Variants in XYLB observed in about 807,000 individuals in gnomAD.
XYLB encodes the protein xylulokinase.
Under a neutral mutation model 78.7 loss-of-function variants are expected in XYLB, and 62 were observed. The ratio of observed to expected loss-of-function variants is 0.79; its 90% CI spans 0.64 to 0.97. The LOEUF (loss-of-function observed/expected upper bound fraction) is 0.97. Ranked by LOEUF, XYLB falls within the 50% of genes least tolerant of loss-of-function variation. The pLI is 0.00. For missense variants in XYLB, 687 were observed against 676.8 expected, an observed-to-expected ratio of 1.02 and a Z score of -0.17; for synonymous variants, 245 against 247.4, an observed-to-expected ratio of 0.99 and a Z score of 0.09.
rs58457623 is a variant in XYLB, at chr3:38,351,171, CAAAAAAAAA to C, written c.140+2559_140+2567del. 1.0e-3 allele frequency among the ~76,000 whole-genome samples: 23 copies of C among 23,090 alleles called. 1 individual carries two copies. Among genetic ancestry groups the C allele is most frequent in the Middle Eastern group, 0.029 (1 of 34 alleles). 15.1% of individuals were successfully genotyped at this position (23,090 alleles called of 152,430 possible). On this transcript the variant is annotated intron_variant, in intron 2 of 18. Coordinates refer to ENST00000207870, the MANE Select transcript of XYLB (RefSeq NM_005108.4). ...TGGACAACAGAGGGAGAGCCTGTCTCAAAAAAAAAAAAAAAAAAAAAAAAAAAAGGAAGT... is the reference window on the plus strand; with the variant it reads ...TGGACAACAGAGGGAGAGCCTGTCTCAAAAAAAAAAAAAAAAAAAGGAAGT...
At chr3:38,412,832 A>T in intron 18 of XYLB, 104 bp from the exon 19 acceptor site, 1 of 984,224 alleles carries the variant, frequency 1.0e-6, no homozygotes. Flanking sequence ...AAAAAAAGTT[A>T]AATTGCAAGT....
chr3:38,399,635 T>C (rs1263521442), intron 17 of XYLB, among the ~76,000 whole-genome samples: 1 of 152,126 alleles, frequency 6.6e-6, no homozygotes, highest in Non-Finnish European at 1.5e-5. Flanking sequence ...AAGTATGGGG[T>C]CTGCTTCATA....
At chr3:38,401,155 T>C (rs1708111226) in intron 18 of XYLB, 170 bp downstream of exon 18, 1 of 624,378 alleles carries the variant, frequency 1.6e-6, no homozygotes, top group Non-Finnish European at 2.8e-6. Context: ...TGTTGTCAGC[T>C]GCAAGTCACA....
chr3:38,432,981 G>A, the XYLB span, among the ~76,000 whole-genome samples: 1 of 152,262 alleles, frequency 6.6e-6, no homozygotes, highest in South Asian at 2.1e-4. Context: ...CTCTGTGGGG[G>A]TTCCAACCCC....
At chr3:38,372,212 G>A (rs928337322) in intron 9 of XYLB, among the ~76,000 whole-genome samples, 11 of 151,996 alleles carry the variant, frequency 7.2e-5, no homozygotes, top group Non-Finnish European at 1.5e-4. Context: ...CTCTCTGCAC[G>A]TTCACGTCCA....
At chr3:38,437,412 C>A in the XYLB span, among the ~76,000 whole-genome samples, 50 of 152,172 alleles carry the variant, frequency 3.3e-4, no homozygotes, top group East Asian at 8.5e-3. Flanking sequence ...CTAGCCAGAG[C>A]AATCAGGCAA....
At chr3:38,439,821 G>A in the XYLB span, among the ~76,000 whole-genome samples, 35 of 151,984 alleles carry the variant, frequency 2.3e-4, no homozygotes, top group African/African-American at 8.2e-4. Context: ...TCCTGTAAAC[G>A]CTGGGCGGCA....
chr3:38,427,320 G>A, the XYLB span, among the ~76,000 whole-genome samples: 102 of 152,312 alleles, frequency 6.7e-4, no homozygotes, highest in Admixed American at 1.2e-3. Flanking sequence ...GATTACAGGC[G>A]TGAGCCACTG....
At chr3:38,388,169 G>GTTTTGTTTTTTTTTTTTT (rs777492111) in intron 15 of XYLB, among the ~76,000 whole-genome samples, 1 of 109,346 alleles carries the variant, frequency 9.1e-6, no homozygotes, top group Non-Finnish European at 2.0e-5. Flanking sequence ...GTTTTTTTTT[G>GTTTTGTTTTTTTTTTTTT]TTTTTTTTTT....
chr3:38,383,340 G>A (rs927689109), intron 15 of XYLB, among the ~76,000 whole-genome samples: 2 of 152,086 alleles, frequency 1.3e-5, no homozygotes, highest in Non-Finnish European at 2.9e-5. Context: ...AGGAACAATC[G>A]CCCTCTTGAT....
downstream of XYLB, among the ~76,000 whole-genome samples, chr3:38,416,481 C>G (rs1708798594): frequency 1.3e-5 from 2 of 151,878 alleles, no homozygotes. Flanking sequence ...ATATTAAGTC[C>G]AAGCATATAA....
intron 16 of XYLB, among the ~76,000 whole-genome samples, chr3:38,396,834 A>G (rs968571189): frequency 1.3e-5 from 2 of 152,138 alleles, no homozygotes; most frequent in Non-Finnish European, 2.9e-5. Context: ...TGAAATGGCT[A>G]AAAAGTACAG....
In XYLB at chr3:38,348,886, C is replaced by T. The variant is rs75431409; in HGVS notation, c.140+254C>T. On this transcript the variant is annotated intron_variant, in intron 2 of 18. Transcript: ENST00000207870. ...TGTGCCAGGTGCTAGGACCTGATGG[C>T]GAAACAAAAAGAGAAAGCTCTCCCA... is the stretch of plus-strand genomic sequence containing the variant. Among the ~76,000 whole-genome samples the T allele has an allele frequency of 5.0e-3, 753 of 152,040 alleles. 2 individuals carry two copies. The highest frequency in any genetic ancestry group is 0.014 in the Middle Eastern group (4 of 294).
intron 15 of XYLB, among the ~76,000 whole-genome samples, chr3:38,385,149 C>T (rs115096323): frequency 0.017 from 2,586 of 152,110 alleles, 59 homozygotes; most frequent in African/African-American, 0.059. Flanking sequence ...TACAGGTGCG[C>T]GCCATACCAC....
chr3:38,381,432 G>A (rs1707139491), intron 15 of XYLB, among the ~76,000 whole-genome samples: 1 of 152,118 alleles, frequency 6.6e-6, no homozygotes, highest in Non-Finnish European at 1.5e-5. Context: ...TGAAGTGTGG[G>A]CACCTTGAAA....
the XYLB span, among the ~76,000 whole-genome samples, chr3:38,440,504 A>G: frequency 1.3e-5 from 2 of 152,238 alleles, no homozygotes; most frequent in Non-Finnish European, 2.9e-5. Flanking sequence ...TGGAGGAACC[A>G]TCTATCATCC....
At chr3:38,419,644 G>A (rs956710993), downstream of XYLB, among the ~76,000 whole-genome samples, 9 of 130,038 alleles carry the variant, frequency 6.9e-5, no homozygotes, top group Admixed American at 7.5e-4. Flanking sequence ...TTTCATTGTG[G>A]TTTTTATTTG....
chr3:38,370,179 G>T lies in XYLB; in HGVS notation c.765+5G>T. On this transcript the variant is annotated splice_donor_5th_base_variant and intron_variant, in intron 9 of 18. Coordinates refer to ENST00000207870, the MANE Select transcript of XYLB (RefSeq NM_005108.4). Reference sequence around the variant, plus strand: ...GTACCATCATGCTCAGTTGTGGTAGGTCTCCTTTCTGGTGATGTGGCTCAT... The same window carrying T: ...GTACCATCATGCTCAGTTGTGGTAGTTCTCCTTTCTGGTGATGTGGCTCAT... 6.2e-7 allele frequency: 1 copy of T among 1,611,490 alleles called. No homozygotes were observed. Among genetic ancestry groups the T allele is most frequent in the East Asian group, 2.2e-5 (1 of 44,802 alleles).
At chr3:38,349,773 C>T (rs1053118562) in intron 2 of XYLB, among the ~76,000 whole-genome samples, 2 of 152,154 alleles carry the variant, frequency 1.3e-5, no homozygotes, top group African/African-American at 4.8e-5. Flanking sequence ...AGATTGGTCT[C>T]CTCTGGGACC....
Sources: gnomAD v4.1 joint callset for allele counts (sites outside exome capture counted in the v4.1 genomes callset) on GRCh38, gnomAD v4.1.1 for gene constraint, MANE v1.5 for transcripts, NCBI Gene and HGNC (gene_info 2026-07-23, HGNC 2026-07-21) for gene names.